DLGAP1: variants seen among roughly 807,000 people sequenced by gnomAD.
DLGAP1 encodes the protein DLG associated protein 1.
A neutral mutation model predicts 90.8 loss-of-function variants in DLGAP1; 11 were observed. The observed-to-expected ratio is 0.12, with a 90% CI of 0.08 to 0.20. The LOEUF is 0.20. Among genes scored for constraint, DLGAP1 ranks in the 10% least tolerant of loss-of-function variants. The pLI, the probability that DLGAP1 is intolerant of heterozygous loss-of-function variation, is 1.00. For missense variants in DLGAP1, 1,050 were observed against 1,333.8 expected (o/e 0.79, Z 3.31); for synonymous variants, 558 against 540.7 (o/e 1.03, Z -0.44).
Position 3,680,985 on chromosome 18 carries a change from G to A in DLGAP1, c.1591+48150C>T, listed in dbSNP as rs77967145. 6.4e-3 allele frequency among the ~76,000 whole-genome samples: 968 copies of A among 152,274 alleles called. 8 individuals carry two copies. The highest frequency in any genetic ancestry group is 0.021 in the African/African-American group (861 of 41,558). On this transcript the variant is annotated intron_variant, in intron 7 of 12. Transcript: ENST00000315677. ...GGCTAAGAAGGCTTCCTCCCAATGG[G>A]ATGATGGTAAGTCTGAAATCCCAGT...
intron 3 of DLGAP1, among the ~76,000 whole-genome samples, chr18:3,895,164 G>A (rs1347051505): frequency 6.6e-6 from 1 of 152,028 alleles, no homozygotes; most frequent in Non-Finnish European, 1.5e-5. Flanking sequence ...AGCAGTGCGT[G>A]CTCCACCAGC....
chr18:3,860,994 C>T (rs560669041), intron 4 of DLGAP1, among the ~76,000 whole-genome samples: 1 of 152,182 alleles, frequency 6.6e-6, no homozygotes, highest in Admixed American at 6.5e-5. Flanking sequence ...GTTCAGATAC[C>T]TTTATGCTTC....
In DLGAP1 at chr18:3,974,649, T is replaced by A. The variant is rs571681224; in HGVS notation, c.-73+30467A>T. Among the ~76,000 whole-genome samples, 9 of 152,288 alleles carry A rather than the reference T, an allele frequency of 5.9e-5. No homozygotes were observed. In the South Asian group the frequency reaches 1.9e-3, roughly 32 times the overall value. Reference sequence around the variant, plus strand: ...GGTTAAAAGTGAAACATAAAGAACTTATTATTAATCAGGTAAATGGGAGTA... The same window carrying A: ...GGTTAAAAGTGAAACATAAAGAACTAATTATTAATCAGGTAAATGGGAGTA... On this transcript the variant is annotated intron_variant, in intron 3 of 12. Coordinates refer to ENST00000315677, the MANE Select transcript of DLGAP1 (RefSeq NM_004746.4).
At chr18:4,039,401 G>C (rs2074942541) in intron 2 of DLGAP1, among the ~76,000 whole-genome samples, 1 of 152,160 alleles carries the variant, frequency 6.6e-6, no homozygotes, top group Non-Finnish European at 1.5e-5. Context: ...GTCCAGGATG[G>C]ATGCTGGGGT....
chr18:3,685,166 T>C (rs927120315), intron 7 of DLGAP1, among the ~76,000 whole-genome samples: 1 of 152,148 alleles, frequency 6.6e-6, no homozygotes, highest in Admixed American at 6.5e-5. Flanking sequence ...ATGTATCACA[T>C]GGTAAAAAGT....
At chr18:3,965,043 C>G (rs1462310153) in intron 3 of DLGAP1, among the ~76,000 whole-genome samples, 1 of 152,060 alleles carries the variant, frequency 6.6e-6, no homozygotes, top group East Asian at 1.9e-4. Context: ...AGGGTGATTC[C>G]TGTTGTTTTT....
chr18:4,140,073 T>A (rs1381641050), intron 2 of DLGAP1, among the ~76,000 whole-genome samples: 1 of 151,974 alleles, frequency 6.6e-6, no homozygotes, highest in Non-Finnish European at 1.5e-5. Flanking sequence ...CTCTGTCTTT[T>A]GACTGGCAAG....
At chr18:3,755,471 AAAAAAAC>A (rs1278297412) in intron 5 of DLGAP1, among the ~76,000 whole-genome samples, 1 of 150,660 alleles carries the variant, frequency 6.6e-6, no homozygotes, top group African/African-American at 2.4e-5. Context: ...AAAAAACAAC[AAAAAAAC>A]AAAAAACAAA....
chr18:3,698,940 T>C (rs1020785393), intron 7 of DLGAP1, among the ~76,000 whole-genome samples: 6 of 152,100 alleles, frequency 3.9e-5, no homozygotes, highest in Non-Finnish European at 8.8e-5. Flanking sequence ...ATTTGGCTAT[T>C]GATACTTGTG....
At chr18:3,755,968 C>T (rs184691117) in intron 5 of DLGAP1, among the ~76,000 whole-genome samples, 188 of 152,150 alleles carry the variant, frequency 1.2e-3, no homozygotes, top group African/African-American at 4.4e-3. Context: ...AAAGTATGTT[C>T]AGTAATTATA....
chr18:3,592,590 G>A (rs190925985), intron 7 of DLGAP1, among the ~76,000 whole-genome samples: 2 of 152,216 alleles, frequency 1.3e-5, no homozygotes, highest in African/African-American at 4.8e-5. Flanking sequence ...TGTAATCCCA[G>A]CACTTTGGGA....
At chr18:3,968,725 A>G (rs1394825456) in intron 3 of DLGAP1, among the ~76,000 whole-genome samples, 1 of 152,210 alleles carries the variant, frequency 6.6e-6, no homozygotes, top group Non-Finnish European at 1.5e-5. Context: ...AATTCAAAGA[A>G]AATGCCTTTC....
intron 1 of DLGAP1, among the ~76,000 whole-genome samples, chr18:4,287,661 G>C (rs581276): frequency 1 from 152,083 of 152,164 alleles, 76,001 homozygotes; most frequent in Non-Finnish European, 1. Context: ...GGGAGGGGAA[G>C]ATCACATACC....
At chr18:3,912,024 C>T (rs117709096) in intron 3 of DLGAP1, among the ~76,000 whole-genome samples, 2,072 of 152,264 alleles carry the variant, frequency 0.014, 29 homozygotes, top group South Asian at 0.025. Context: ...TTTTAGTAAG[C>T]GCTTCAGGCT....
chr18:3,888,038 G>A (rs1857332475), intron 3 of DLGAP1, among the ~76,000 whole-genome samples: 1 of 149,640 alleles, frequency 6.7e-6, no homozygotes. Context: ...AACCCGGGAG[G>A]CGGAGCTTGC....
intron 1 of DLGAP1, among the ~76,000 whole-genome samples, chr18:4,154,226 A>ATTT (rs555943126): frequency 0.012 from 1,575 of 130,416 alleles, 34 homozygotes; most frequent in African/African-American, 0.042. Context: ...ACACCCGGCT[A>ATTT]TTTTTTTTTT....
intron 1 of DLGAP1, among the ~76,000 whole-genome samples, chr18:4,270,028 T>C (rs1338796191): frequency 6.6e-6 from 1 of 152,240 alleles, no homozygotes; most frequent in Non-Finnish European, 1.5e-5. Flanking sequence ...CTTCACATGT[T>C]ACAGTAGCAT....
chr18:4,394,876 C>T (rs1284867510), intron 1 of DLGAP1, among the ~76,000 whole-genome samples: 3 of 152,168 alleles, frequency 2.0e-5, no homozygotes, highest in Admixed American at 6.5e-5. Flanking sequence ...AAGGCATGCT[C>T]AGCCTGCACA....
At chr18:4,105,917 A>G (rs1457991002) in intron 2 of DLGAP1, among the ~76,000 whole-genome samples, 1 of 151,630 alleles carries the variant, frequency 6.6e-6, no homozygotes, top group South Asian at 2.1e-4. Flanking sequence ...CTGTAGTCCC[A>G]GCTACTCGGG....
Sources: gnomAD v4.1 joint callset for allele counts (sites outside exome capture counted in the v4.1 genomes callset) on GRCh38, gnomAD v4.1.1 for gene constraint, MANE v1.5 for transcripts, NCBI Gene and HGNC (gene_info 2026-07-23, HGNC 2026-07-21) for gene names.